ARHGEF12: variants seen among roughly 807,000 people sequenced by gnomAD.
ARHGEF12 encodes the protein KMT2A/ARHGEF12 fusion protein.
In ARHGEF12, 66 loss-of-function variants were observed where a neutral mutation model predicts 211.2. The ratio of observed to expected loss-of-function variants is 0.31; its 90% CI spans 0.26 to 0.38. The LOEUF is 0.38. ARHGEF12 is among the 10% of genes least tolerant of loss of function. The probability of loss-of-function intolerance (pLI) is 1.00; values close to 1 mark genes in which losing one functional copy is unlikely to be tolerated. For missense variants in ARHGEF12, 1,429 were observed against 1,869.5 expected, an observed-to-expected ratio of 0.76 and a Z score of 4.34; for synonymous variants, 592 against 638.4, an observed-to-expected ratio of 0.93 and a Z score of 1.09.
At chr11:120,478,761 G>A (rs1188050134) in intron 37 of ARHGEF12, among the ~76,000 whole-genome samples, 1 of 152,190 alleles carries the variant, frequency 6.6e-6, no homozygotes, top group Non-Finnish European at 1.5e-5. Context: ...GATTTGAATG[G>A]AAAGAGGTAT....
intron 1 of ARHGEF12, among the ~76,000 whole-genome samples, chr11:120,355,414 A>G (rs1221482741): frequency 1.3e-5 from 2 of 152,222 alleles, no homozygotes; most frequent in African/African-American, 2.4e-5. Context: ...CTTTATATAC[A>G]TCATATTTAA....
At chr11:120,378,706 A>G (rs1240916843) in intron 1 of ARHGEF12, among the ~76,000 whole-genome samples, 1 of 152,214 alleles carries the variant, frequency 6.6e-6, no homozygotes, top group Non-Finnish European at 1.5e-5. Flanking sequence ...CATGTTTTCC[A>G]GCACCATTTG....
At chr11:120,459,098 C>T in intron 25 of ARHGEF12, 76 bp from the exon 26 acceptor site, 1 of 1,187,562 alleles carries the variant, frequency 8.4e-7, no homozygotes, top group Non-Finnish European at 1.1e-6. Context: ...TGCTACTTCA[C>T]TCCAGCTAAA....
chr11:120,343,555 A>G (rs913798192), intron 1 of ARHGEF12, among the ~76,000 whole-genome samples: 1 of 152,258 alleles, frequency 6.6e-6, no homozygotes, highest in African/African-American at 2.4e-5. Context: ...GCATGCACCA[A>G]TGCAGTTTAG....
intron 1 of ARHGEF12, among the ~76,000 whole-genome samples, chr11:120,376,783 C>T (rs2135432477): frequency 6.6e-6 from 1 of 152,232 alleles, no homozygotes; most frequent in African/African-American, 2.4e-5. Context: ...ACAATCCCAA[C>T]TTCCCCAACC....
chr11:120,444,654 G>C (rs371888564), intron 15 of ARHGEF12, among the ~76,000 whole-genome samples: 7 of 152,052 alleles, frequency 4.6e-5, no homozygotes, highest in Non-Finnish European at 7.4e-5. Context: ...ACTTAAATAG[G>C]TATACAATAC....
rs1947413649 is a variant in ARHGEF12 at position 120,487,043 on chromosome 11, T to A, written c.*1966T>A. 1 of 216,206 alleles carries A rather than the reference T, an allele frequency of 4.6e-6. No homozygotes were observed. Among genetic ancestry groups the A allele is most frequent in the South Asian group, 1.9e-4 (1 of 5,360 alleles). 13.4% of individuals were successfully genotyped at this position (216,206 alleles called of 1,614,324 possible). ...GGTTACATTGTGCTGCTAGAAATAA[T>A]GTCATTCTCAATTAAAAGGGTTACA... On this transcript the variant is annotated 3_prime_UTR_variant, in exon 41 of 41. Transcript: ENST00000397843.
intron 4 of ARHGEF12, among the ~76,000 whole-genome samples, chr11:120,413,229 C>T (rs1223423710): frequency 1.3e-5 from 2 of 152,184 alleles, no homozygotes; most frequent in Non-Finnish European, 2.9e-5. Context: ...TTTCTGTTGT[C>T]TTGAGTGAAT....
At chr11:120,397,547 G>T (rs560339856) in intron 1 of ARHGEF12, among the ~76,000 whole-genome samples, 1 of 152,200 alleles carries the variant, frequency 6.6e-6, no homozygotes, top group African/African-American at 2.4e-5. Flanking sequence ...ATTTACAAAA[G>T]GGAACTTCTT....
At chr11:120,390,314 T>C (rs989632460) in intron 1 of ARHGEF12, among the ~76,000 whole-genome samples, 3 of 152,228 alleles carry the variant, frequency 2.0e-5, no homozygotes, top group Admixed American at 6.5e-5. Context: ...TCCTTCATGC[T>C]CCTCCTGCCT....
chr11:120,377,936 T>C (rs1181643969), intron 1 of ARHGEF12, among the ~76,000 whole-genome samples: 1 of 152,112 alleles, frequency 6.6e-6, no homozygotes, highest in Non-Finnish European at 1.5e-5. Context: ...AAAATTCTTT[T>C]ATTTATTTTT....
intron 1 of ARHGEF12, among the ~76,000 whole-genome samples, chr11:120,366,523 G>C (rs1943426021): frequency 6.6e-6 from 1 of 152,184 alleles, no homozygotes; most frequent in Admixed American, 6.5e-5. Context: ...TGGGTGATCT[G>C]TTGTTGCAAT....
In ARHGEF12 at chr11:120,469,352, T is replaced by C. The variant is rs1196222091; in HGVS notation, c.2919T>C (p.Tyr973=). ...AADHCRQILN[Y]VNQAVKEAEN... Reference sequence around the variant, plus strand: ...ATCACTGTCGTCAGATCTTAAATTATGTAAATCAGGCTGTCAAGGAGGCAG... The same window carrying C: ...ATCACTGTCGTCAGATCTTAAATTACGTAAATCAGGCTGTCAAGGAGGCAG... The change falls in exon 30 of 41, where the codon TAT becomes TAC. Residue 973 remains tyrosine, a synonymous_variant. Coordinates refer to ENST00000397843, the MANE Select transcript of ARHGEF12 (RefSeq NM_015313.3). 1 of 1,613,376 alleles carries C rather than the reference T, an allele frequency of 6.2e-7. No homozygotes were observed. The highest frequency in any genetic ancestry group is 8.5e-7 in the Non-Finnish European group (1 of 1,179,638).
At chr11:120,436,405 T>C (rs1217394806) in intron 11 of ARHGEF12, among the ~76,000 whole-genome samples, 2 of 152,206 alleles carry the variant, frequency 1.3e-5, no homozygotes, top group Non-Finnish European at 2.9e-5. Context: ...AAATGTATCT[T>C]CCCTATTGGC....
intron 28 of ARHGEF12, 55 bp from the exon 29 acceptor site, chr11:120,467,139 A>AC (rs1321325182): frequency 2.8e-5 from 31 of 1,105,828 alleles, no homozygotes; most frequent in Non-Finnish European, 4.0e-5. Context: ...AATACATGGT[A>AC]CATGTATAAG....
chr11:120,421,653 G>A, intron 5 of ARHGEF12, 150 bp from the exon 6 acceptor site: 1 of 668,074 alleles, frequency 1.5e-6, no homozygotes. Flanking sequence ...GGCCAGGATG[G>A]TCTCGATCTC....
intron 7 of ARHGEF12, among the ~76,000 whole-genome samples, chr11:120,425,345 T>C (rs1452681420): frequency 2.6e-5 from 4 of 151,764 alleles, no homozygotes; most frequent in African/African-American, 9.7e-5. Context: ...CTTGGTTTTT[T>C]TTTTTTTTTT....
chr11:120,478,977 A>G (rs914266314), intron 37 of ARHGEF12, among the ~76,000 whole-genome samples: 4 of 152,222 alleles, frequency 2.6e-5, no homozygotes, highest in African/African-American at 9.7e-5. Flanking sequence ...GAGTCAGAAA[A>G]GGACTACCAC....
intron 1 of ARHGEF12, among the ~76,000 whole-genome samples, chr11:120,338,508 C>T (rs766690267): frequency 1.3e-5 from 2 of 152,174 alleles, no homozygotes; most frequent in African/African-American, 4.8e-5. Context: ...TATATTTACT[C>T]TTTGTGTATT....
Sources: gnomAD v4.1 joint callset for allele counts (sites outside exome capture counted in the v4.1 genomes callset) on GRCh38, gnomAD v4.1.1 for gene constraint, MANE v1.5 for transcripts, NCBI Gene and HGNC (gene_info 2026-07-23, HGNC 2026-07-21) for gene names.